The following VLDLR variants were observed in gnomAD, a reference collection of about 807,000 sequenced individuals.
The protein encoded by VLDLR is very low-density lipoprotein receptor.
Under a neutral mutation model 112.7 loss-of-function variants are expected in VLDLR, and 81 were observed. That is an observed-to-expected ratio of 0.72 (90% CI 0.60 to 0.86). The LOEUF (loss-of-function observed/expected upper bound fraction) is 0.86, where lower values mean the gene tolerates loss of function less well. VLDLR is among the 40% of genes least tolerant of loss of function. The pLI is 0.00. For synonymous variants in VLDLR, 436 were observed against 384.8 expected (o/e 1.13, Z -1.56); for missense variants, 1,237 against 1,099.4 (o/e 1.13, Z -1.77).
chr9:2,636,732 C>A (rs1030347681), intron 2 of VLDLR, among the ~76,000 whole-genome samples: 3 of 152,230 alleles, frequency 2.0e-5, no homozygotes, highest in African/African-American at 7.2e-5. Context: ...CCACAAGACA[C>A]TGAGTCTCAT....
chr9:2,648,938 C>A, intron 14 of VLDLR, 128 bp downstream of exon 14: 1 of 1,122,090 alleles, frequency 8.9e-7, no homozygotes, highest in Non-Finnish European at 1.3e-6. Context: ...CTCCTGTACC[C>A]TACCTTAAAC....
chr9:2,640,734 A>G (rs570984170), intron 3 of VLDLR, among the ~76,000 whole-genome samples: 1 of 152,286 alleles, frequency 6.6e-6, no homozygotes, highest in African/African-American at 2.4e-5. Flanking sequence ...ATCAAATAGA[A>G]AGGAAGATAA....
intron 1 of VLDLR, 29 bp from the exon 2 acceptor site, chr9:2,635,424 C>T (rs767157675): frequency 6.2e-7 from 1 of 1,613,566 alleles, no homozygotes; most frequent in Non-Finnish European, 8.5e-7. Context: ...CCAATCCTTG[C>T]TTTACCGAAT....
At chr9:2,629,341 G>A (rs1817237269) in intron 1 of VLDLR, among the ~76,000 whole-genome samples, 1 of 152,250 alleles carries the variant, frequency 6.6e-6, no homozygotes, top group South Asian at 2.1e-4. Flanking sequence ...AAGACTTGCT[G>A]AGGAATTCTA....
Position 2,621,808 on chromosome 9 carries a change from C to T in VLDLR, c.-382C>T, listed in dbSNP as rs764850761. The stretch of plus-strand genomic sequence containing the variant: ...GCTCACCCCGCTCTCCGGCCGCCGC[C>T]GGTGCGGGTGCTCCGCTACCGGCTC... On this transcript the variant is annotated 5_prime_UTR_variant, in exon 1 of 19. Transcript: ENST00000382100. 1.8e-5 allele frequency: 9 copies of T among 491,876 alleles called. No homozygotes were observed. In the East Asian group the frequency reaches 4.5e-4, roughly 24 times the overall value. The allele number at this position is 491,876 out of a possible 1,614,324, so 30.5% of individuals were successfully genotyped here.
intron 18 of VLDLR, 54 bp from the exon 19 acceptor site, chr9:2,653,779 G>A: frequency 3.7e-6 from 6 of 1,604,296 alleles, no homozygotes; most frequent in Non-Finnish European, 5.1e-6. Flanking sequence ...AAAGACTAGA[G>A]TTGCCATCAG....
chr9:2,637,177 T>G (rs1817629002), intron 2 of VLDLR, among the ~76,000 whole-genome samples: 1 of 152,196 alleles, frequency 6.6e-6, no homozygotes, highest in South Asian at 2.1e-4. Flanking sequence ...AAGGTCTGAG[T>G]GCTTACTTTG....
Position 2,646,179 on chromosome 9 carries a change from TAA to T in VLDLR, c.1485-154_1485-153del, listed in dbSNP as rs538130024. The stretch of plus-strand genomic sequence containing the variant: ...TACAGCATTATTAATTTAGGATCAG[TAA>T]GCAGCATGGTTAAATAATTTGAGTG... On this transcript the variant is annotated intron_variant, in intron 10 of 18. Coordinates refer to ENST00000382100, the MANE Select transcript of VLDLR (RefSeq NM_003383.5). Among the ~76,000 whole-genome samples the T allele has an allele frequency of 2.4e-3, 371 of 152,136 alleles. 2 individuals are homozygous for T. Among genetic ancestry groups the T allele is most frequent in the African/African-American group, 8.4e-3 (349 of 41,486 alleles).
rs751046205 is a variant in VLDLR, at chr9:2,650,320, A to G, written c.2105-50A>G. On this transcript the variant is annotated intron_variant, in intron 14 of 18. Transcript: ENST00000382100. ...CAACATGTAGAACAAGGCTTTATAT[A>G]TACTAGGCACCGGAATACCCATTTT... 1.2e-5 allele frequency: 19 copies of G among 1,611,290 alleles called. No homozygotes were observed. The South Asian group carries it at 2.0e-4, about 17-fold the overall frequency.
Position 2,621,845 on chromosome 9 carries a change from G to C in VLDLR, c.-345G>C, listed in dbSNP as rs1409386298. 3.7e-6 allele frequency: 2 copies of C among 547,688 alleles called. No individual in the cohort carries two copies. The highest frequency in any genetic ancestry group is 6.9e-6 in the Non-Finnish European group (2 of 288,908). The allele number at this position is 547,688 out of a possible 1,614,324, so 33.9% of individuals were successfully genotyped here. On this transcript the variant is annotated 5_prime_UTR_variant, in exon 1 of 19. Coordinates refer to ENST00000382100, the MANE Select transcript of VLDLR (RefSeq NM_003383.5). ...TCCGCTACCGGCTCCTCTCCGTTCT[G>C]TGCTCTCTTCTGCTCTCGGCTCCCC...
chr9:2,647,253 A>T (rs562810785), intron 11 of VLDLR, among the ~76,000 whole-genome samples: 2 of 152,320 alleles, frequency 1.3e-5, no homozygotes, highest in African/African-American at 4.8e-5. Flanking sequence ...CCGAAATTTA[A>T]ATGTCAGACA....
At chr9:2,630,084 G>A (rs980296864) in intron 1 of VLDLR, among the ~76,000 whole-genome samples, 23 of 152,244 alleles carry the variant, frequency 1.5e-4, no homozygotes, top group Middle Eastern at 3.4e-3. Flanking sequence ...ATGAGCCACC[G>A]TGCCTGGCCC....
At chr9:2,629,710 A>T (rs1325775936) in intron 1 of VLDLR, among the ~76,000 whole-genome samples, 4 of 152,254 alleles carry the variant, frequency 2.6e-5, no homozygotes, top group African/African-American at 9.6e-5. Context: ...ATTGAACTGT[A>T]AAATTCACTT....
chr9:2,652,136 G>C (rs949600850), intron 17 of VLDLR, among the ~76,000 whole-genome samples, 182 bp downstream of exon 17: 2 of 152,126 alleles, frequency 1.3e-5, no homozygotes, highest in East Asian at 3.9e-4. Context: ...TTTCTCTTCA[G>C]TTGTACCTTT....
chr9:2,622,356 A>AC, intron 1 of VLDLR, 85 bp downstream of exon 1: 1 of 1,234,564 alleles, frequency 8.1e-7, no homozygotes, highest in South Asian at 1.9e-5. Context: ...CCGTTTGCCC[A>AC]CCCGCCTCCT....
At position 2,654,636 on chromosome 9, in the gene VLDLR, A is replaced by T. The variant is rs1177336928; in HGVS notation, c.*768A>T. On this transcript the variant is annotated 3_prime_UTR_variant, in exon 19 of 19. Transcript: ENST00000382100. ...CCCTAGCACAGTTAAAAAATGAAGT[A>T]CTGTTTAACATTTGCTCCCGAAATA... 6.6e-6 allele frequency: 1 copy of T among 152,186 alleles called. No homozygotes were observed. The highest frequency in any genetic ancestry group is 1.5e-5 in the Non-Finnish European group (1 of 68,038). 9.4% of individuals were successfully genotyped at this position (152,186 alleles called of 1,614,324 possible). A position where few individuals can be genotyped will look rare whatever the true frequency, so the allele number is the denominator to read the frequency against.
In VLDLR at chr9:2,626,900, A is replaced by G. The variant is rs78530413; in HGVS notation, c.82+4629A>G. 1.3e-3 allele frequency among the ~76,000 whole-genome samples: 198 copies of G among 152,320 alleles called. 1 individual carries two copies. The highest frequency in any genetic ancestry group is 4.6e-3 in the African/African-American group (193 of 41,562). On this transcript the variant is annotated intron_variant, in intron 1 of 18. Transcript: ENST00000382100. ...ACTGCCTCTAATCTTTCATTTTCTTAAGAAAGACTTCCCCACATCTGAGGT... is the reference window on the plus strand; with the variant it reads ...ACTGCCTCTAATCTTTCATTTTCTTGAGAAAGACTTCCCCACATCTGAGGT...
chr9:2,643,022 T>G (rs1371870571), intron 4 of VLDLR, 138 bp from the exon 5 acceptor site: 1 of 1,303,068 alleles, frequency 7.7e-7, no homozygotes, highest in Non-Finnish European at 1.1e-6. Flanking sequence ...AGTTCTTGAT[T>G]TAACTCCATT....
intron 14 of VLDLR, 123 bp downstream of exon 14, chr9:2,648,933 G>C: frequency 1.7e-6 from 2 of 1,207,696 alleles, no homozygotes; most frequent in Non-Finnish European, 2.4e-6. Context: ...TTGCCCTCCT[G>C]TACCCTACCT....
Sources: gnomAD v4.1 joint callset for allele counts (sites outside exome capture counted in the v4.1 genomes callset) on GRCh38, gnomAD v4.1.1 for gene constraint, MANE v1.5 for transcripts, NCBI Gene and HGNC (gene_info 2026-07-23, HGNC 2026-07-21) for gene names.